KHDRBS2: variants seen among roughly 807,000 people sequenced by gnomAD.
KHDRBS2 encodes KH domain-containing, RNA-binding, signal transduction-associated protein 2.
In KHDRBS2, 26 loss-of-function variants were observed where a neutral mutation model predicts 44.3. The observed-to-expected ratio is 0.59, with a 90% CI of 0.43 to 0.81. KHDRBS2 has a LOEUF of 0.81. Among genes scored for constraint, KHDRBS2 ranks in the 40% least tolerant of loss-of-function variants. KHDRBS2 has a pLI of 0.00. For synonymous variants in KHDRBS2, 194 were observed against 151.1 expected (o/e 1.28, Z -2.08); for missense variants, 476 against 433.1 (o/e 1.10, Z -0.88).
intron 4 of KHDRBS2, among the ~76,000 whole-genome samples, chr6:61,967,919 T>G (rs1192450): frequency 0.14 from 18,450 of 133,060 alleles, 1,632 homozygotes; most frequent in Non-Finnish European, 0.17. Flanking sequence ...TATATACACA[T>G]GCATACACAC....
intron 3 of KHDRBS2, among the ~76,000 whole-genome samples, chr6:62,016,001 A>G (rs1349058978): frequency 1.3e-5 from 2 of 152,186 alleles, no homozygotes; most frequent in South Asian, 2.1e-4. Context: ...AAGCTTGTTC[A>G]TCCAGGTTTA....
chr6:61,858,853 C>T (rs564192696), intron 6 of KHDRBS2, among the ~76,000 whole-genome samples: 100 of 151,844 alleles, frequency 6.6e-4, no homozygotes, highest in African/African-American at 8.9e-4. Flanking sequence ...GCCAGATTAT[C>T]GGGAAACCTA....
At chr6:61,693,173 T>A (rs969831743) in intron 8 of KHDRBS2, among the ~76,000 whole-genome samples, 3 of 152,114 alleles carry the variant, frequency 2.0e-5, no homozygotes, top group Admixed American at 6.6e-5. Context: ...ATAAAAATAA[T>A]CAATTGATAT....
chr6:62,249,750 T>C (rs1360018798), intron 1 of KHDRBS2, among the ~76,000 whole-genome samples: 1 of 152,056 alleles, frequency 6.6e-6, no homozygotes, highest in African/African-American at 2.4e-5. Context: ...AGCACTCTTT[T>C]CTATGTGGAA....
chr6:61,656,779 G>A, the KHDRBS2 span, among the ~76,000 whole-genome samples: 6 of 151,764 alleles, frequency 4.0e-5, no homozygotes, highest in African/African-American at 1.5e-4. Context: ...TTAAAATTAC[G>A]GTTGTATTCA....
chr6:62,099,163 G>A (rs1801302917), intron 2 of KHDRBS2, among the ~76,000 whole-genome samples: 1 of 152,132 alleles, frequency 6.6e-6, no homozygotes, highest in South Asian at 2.1e-4. Flanking sequence ...TAGGTCTGTG[G>A]GGTGAGGTCA....
chr6:61,943,257 G>T (rs1419807611), intron 4 of KHDRBS2, among the ~76,000 whole-genome samples: 1 of 151,732 alleles, frequency 6.6e-6, no homozygotes, highest in African/African-American at 2.4e-5. Context: ...ATGCTTAAGG[G>T]AGTCCTACAC....
chr6:62,272,672 C>G (rs6932700), intron 1 of KHDRBS2, among the ~76,000 whole-genome samples: 12 of 152,194 alleles, frequency 7.9e-5, no homozygotes, highest in African/African-American at 2.6e-4. Flanking sequence ...AAATCACATA[C>G]GCCAAAATGT....
chr6:61,669,394 C>G, the KHDRBS2 span, among the ~76,000 whole-genome samples: 2 of 150,506 alleles, frequency 1.3e-5, no homozygotes, highest in Non-Finnish European at 3.0e-5. Context: ...ATAAACATAC[C>G]TTATAGTACC....
the KHDRBS2 span, among the ~76,000 whole-genome samples, chr6:61,627,474 C>T: frequency 3.0e-3 from 457 of 152,192 alleles, 4 homozygotes; most frequent in African/African-American, 0.011. Flanking sequence ...GCTGGCCATG[C>T]CAGAAAGTCC....
At chr6:62,079,001 C>A (rs1796880507) in intron 2 of KHDRBS2, among the ~76,000 whole-genome samples, 2 of 151,976 alleles carry the variant, frequency 1.3e-5, no homozygotes, top group Admixed American at 1.3e-4. Flanking sequence ...TCCTTCCTAA[C>A]TGACTTGCAA....
At chr6:62,119,236 A>T (rs1312685047) in intron 2 of KHDRBS2, among the ~76,000 whole-genome samples, 1 of 152,194 alleles carries the variant, frequency 6.6e-6, no homozygotes, top group Non-Finnish European at 1.5e-5. Context: ...AATGCACTTG[A>T]TATTCCTCAT....
chr6:61,607,903 G>T, the KHDRBS2 span, among the ~76,000 whole-genome samples: 1 of 152,142 alleles, frequency 6.6e-6, no homozygotes, highest in Admixed American at 6.5e-5. Flanking sequence ...GGCCAGGCTG[G>T]TCTCAAACTC....
the KHDRBS2 span, among the ~76,000 whole-genome samples, chr6:61,648,969 G>A: frequency 2.0e-5 from 3 of 151,998 alleles, no homozygotes; most frequent in East Asian, 1.9e-4. Context: ...TATCTCCAGG[G>A]TATATCTTTC....
the KHDRBS2 span, among the ~76,000 whole-genome samples, chr6:61,648,475 A>T: frequency 6.6e-6 from 1 of 152,132 alleles, no homozygotes; most frequent in Middle Eastern, 3.2e-3. Context: ...CTATTCTAAT[A>T]TGTTCAGATT....
At chr6:61,924,902 A>G (rs1808687338) in intron 4 of KHDRBS2, among the ~76,000 whole-genome samples, 1 of 152,022 alleles carries the variant, frequency 6.6e-6, no homozygotes, top group Admixed American at 6.6e-5. Flanking sequence ...AAGAGAGCCC[A>G]CTCTCTTTGG....
chr6:62,038,362 T>C (rs139401784), intron 3 of KHDRBS2, among the ~76,000 whole-genome samples: 2 of 152,006 alleles, frequency 1.3e-5, no homozygotes, highest in Non-Finnish European at 2.9e-5. Flanking sequence ...GAGCTCCGTT[T>C]AGTGTCATTA....
In KHDRBS2 at chr6:62,177,282, T is replaced by G; in HGVS notation, c.122A>C (p.Lys41Thr). 6.2e-7 allele frequency: 1 copy of G among 1,600,920 alleles called. No individual in the cohort carries two copies. Among genetic ancestry groups the G allele is most frequent in the Non-Finnish European group, 8.5e-7 (1 of 1,171,210 alleles). Residue 41 changes from lysine to threonine, a missense_variant, in exon 2 of 9, where the codon AAA (lysine) becomes ACA (threonine). Physicochemically the swap from Lys to Thr is moderately conservative, Grantham distance 78. Transcript: ENST00000281156. ...ATACTTCTTTTCTTCGTCTTCCTTT[T>G]TTCCATCAGAACCTTGAAACTTTTC... ...EIEKFQGSDGKKEDEEKKYLD... is the reference protein window; with the variant it reads ...EIEKFQGSDGTKEDEEKKYLD...
At chr6:61,784,839 T>G (rs1384669539) in intron 6 of KHDRBS2, among the ~76,000 whole-genome samples, 2 of 152,140 alleles carry the variant, frequency 1.3e-5, no homozygotes, top group African/African-American at 4.8e-5. Flanking sequence ...TGGTACAAAT[T>G]TTACAAGCTT....
Sources: allele counts gnomAD v4.1 joint callset (sites outside exome capture counted in the v4.1 genomes callset), GRCh38; gene constraint gnomAD v4.1.1; transcripts MANE v1.5; gene names NCBI Gene and HGNC (gene_info 2026-07-23, HGNC 2026-07-21).